Variants in RDH10 observed in about 807,000 individuals in gnomAD.
The protein encoded by RDH10 is retinol dehydrogenase 10, also known as retinol dehydrogenase 10 (all-trans).
RDH10 carries 12 observed loss-of-function variants against 30.2 expected under a neutral mutation model. That is an observed-to-expected ratio of 0.40 (90% CI 0.25 to 0.64). The LOEUF (loss-of-function observed/expected upper bound fraction) is 0.64. Ranked by LOEUF, RDH10 falls within the 30% of genes least tolerant of loss-of-function variation. The pLI is 0.43. For missense variants in RDH10, 268 were observed against 445.2 expected, an observed-to-expected ratio of 0.60 and a Z score of 3.58; for synonymous variants, 189 against 172.2, an observed-to-expected ratio of 1.10 and a Z score of -0.76.
At position 73,322,393 on chromosome 8, in the gene RDH10, A is replaced by C. The variant is rs79520422; in HGVS notation, c.771-286A>C. The stretch of plus-strand genomic sequence containing the variant: ...CTTTCTATTGAAAGCAAAACATAGG[A>C]AAATAATTTGAAATACTTTTAAGGC... On this transcript the variant is annotated intron_variant, in intron 4 of 5. Transcript: ENST00000240285. 4.5e-3 allele frequency: 1,491 copies of C among 331,392 alleles called. 8 individuals are homozygous for C. Among genetic ancestry groups the C allele is most frequent in the Non-Finnish European group, 5.9e-3 (1,054 of 178,262 alleles). The allele number at this position is 331,392 out of a possible 1,614,324, so 20.5% of individuals were successfully genotyped here.
At chr8:73,317,345 A>C (rs918402723) in intron 2 of RDH10, among the ~76,000 whole-genome samples, 10 of 152,222 alleles carry the variant, frequency 6.6e-5, no homozygotes, top group African/African-American at 2.4e-4. Flanking sequence ...TAAATATGTG[A>C]TGAATATTAC....
Position 73,295,004 on chromosome 8 carries a change from G to A in RDH10, c.-286G>A, listed in dbSNP as rs1246379947. ...CTGCAGCGGAGCCGGCCGGCCGGGC[G>A]CTGCGGGACGGGCGGGCGGCTGCCG... On this transcript the variant is annotated 5_prime_UTR_variant, in exon 1 of 6. Transcript: ENST00000240285. 2.6e-5 allele frequency: 10 copies of A among 378,298 alleles called. No individual in the cohort carries two copies. The highest frequency in any genetic ancestry group is 2.1e-4 in the African/African-American group (10 of 47,536). 23.4% of individuals were successfully genotyped at this position (378,298 alleles called of 1,614,324 possible).
chr8:73,311,880 A>C (rs891807491), intron 2 of RDH10: 2 of 152,252 alleles, frequency 1.3e-5, no homozygotes, highest in Non-Finnish European at 2.9e-5. Flanking sequence ...GCTATTATGC[A>C]ACAACATATG....
chr8:73,298,823 A>G (rs56060714), intron 2 of RDH10, among the ~76,000 whole-genome samples: 3,441 of 149,348 alleles, frequency 0.023, 129 homozygotes, highest in African/African-American at 0.084. Flanking sequence ...TGGCCTGTTT[A>G]TTTATTTTGA....
At position 73,294,766 on chromosome 8, in the gene RDH10, C is replaced by T. The variant is rs1276810081; in HGVS notation, c.-524C>T. 1.7e-5 allele frequency: 6 copies of T among 362,084 alleles called. No individual in the cohort carries two copies. The highest frequency in any genetic ancestry group is 4.7e-5 in the Admixed American group (1 of 21,502). The allele number at this position is 362,084 out of a possible 1,614,324, so 22.4% of individuals were successfully genotyped here. A position where few individuals can be genotyped will look rare whatever the true frequency, so the allele number is the denominator to read the frequency against. On this transcript the variant is annotated 5_prime_UTR_variant, in exon 1 of 6. Transcript: ENST00000240285. ...CGCCGAGCGAGTCTCCCCTTCCCGGCGCTCCGCCGCCCCGCACCCCACTCT... is the reference window on the plus strand; with the variant it reads ...CGCCGAGCGAGTCTCCCCTTCCCGGTGCTCCGCCGCCCCGCACCCCACTCT...
chr8:73,298,176 G>T (rs548077926), intron 2 of RDH10, among the ~76,000 whole-genome samples: 304 of 152,286 alleles, frequency 2.0e-3, no homozygotes, highest in Non-Finnish European at 3.3e-3. Flanking sequence ...AGGTAGGTGT[G>T]ACTCTGTCCC....
At chr8:73,295,912 G>A in intron 1 of RDH10, 1 of 1,044,410 alleles carries the variant, frequency 9.6e-7, no homozygotes, top group Non-Finnish European at 1.2e-6. Context: ...GTCTTGCTCC[G>A]ACTTACAAGC....
intron 2 of RDH10, among the ~76,000 whole-genome samples, chr8:73,298,183 T>C (rs1161411763): frequency 6.6e-6 from 1 of 152,198 alleles, no homozygotes. Context: ...TGTGACTCTG[T>C]CCCCTATAAC....
rs539873762 is a variant in RDH10 at position 73,299,172 on chromosome 8, G to C, written c.525+1743G>C. On this transcript the variant is annotated intron_variant, in intron 2 of 5. Coordinates refer to ENST00000240285, the MANE Select transcript of RDH10 (RefSeq NM_172037.5). ...CTAGAAATGAATATATAAATGACCT[G>C]AGCTTATATATGTTTTAAACAAGTA... Among the ~76,000 whole-genome samples, 5 of 152,248 alleles carry C rather than the reference G, an allele frequency of 3.3e-5. No individual in the cohort carries two copies. The East Asian group carries it at 9.6e-4, about 29-fold the overall frequency.
chr8:73,300,133 G>A lies in RDH10; in HGVS notation c.525+2704G>A, dbSNP rs1317503603. On this transcript the variant is annotated intron_variant, in intron 2 of 5. Transcript: ENST00000240285. ...TGGGAGGCTCCTGAATTCTCCAGCT[G>A]TTTTTCCCCTAAGCATCTAAACTTA... Among the ~76,000 whole-genome samples, 6 of 152,086 alleles carry A rather than the reference G, an allele frequency of 3.9e-5. No homozygotes were observed. In the East Asian group the frequency reaches 9.6e-4, roughly 24 times the overall value.
At chr8:73,308,385 A>T (rs902509092) in intron 2 of RDH10, among the ~76,000 whole-genome samples, 1 of 152,228 alleles carries the variant, frequency 6.6e-6, no homozygotes, top group Non-Finnish European at 1.5e-5. Context: ...CCAAACTTAT[A>T]GTCCAAGCAT....
At position 73,325,185 on chromosome 8, in the gene RDH10, A is replaced by T. The variant is rs1814849566; in HGVS notation, c.*2149A>T. 1 of 152,204 alleles carries T rather than the reference A, an allele frequency of 6.6e-6. No homozygotes were observed. The highest frequency in any genetic ancestry group is 2.4e-5 in the African/African-American group (1 of 41,462). 9.4% of individuals were successfully genotyped at this position (152,204 alleles called of 1,614,324 possible). ...GAAAGTCGTCTTTACATCTAATTTT[A>T]TTCTTGTGTGTTATAACTTAAACCT... On this transcript the variant is annotated 3_prime_UTR_variant, in exon 6 of 6. Coordinates refer to ENST00000240285, the MANE Select transcript of RDH10 (RefSeq NM_172037.5).
intron 1 of RDH10, 24 bp from the exon 2 acceptor site, chr8:73,297,170 C>T: frequency 7.2e-7 from 1 of 1,384,862 alleles, no homozygotes; most frequent in Admixed American, 1.7e-5. Flanking sequence ...CATGTTTTCT[C>T]CTCATCTGGA....
At chr8:73,297,955 ACT>A (rs3830705) in intron 2 of RDH10, 31,911 of 166,880 alleles carry the variant, frequency 0.19, 3,154 homozygotes, top group Middle Eastern at 0.23. Context: ...ACGCTTCGGG[ACT>A]CTCTCGGGTT....
intron 2 of RDH10, among the ~76,000 whole-genome samples, chr8:73,316,855 G>A (rs532803684): frequency 2.6e-5 from 4 of 152,180 alleles, no homozygotes; most frequent in African/African-American, 7.2e-5. Flanking sequence ...ACCCGATCTC[G>A]CAAGAACTCA....
In RDH10 at chr8:73,294,926, C is replaced by T. The variant is rs1814227010; in HGVS notation, c.-364C>T. ...GGTTCCGGGGACGCTCGGGCGGCAGCAGCTTGGCCATGAGGGCAGTTCGAG... is the reference window on the plus strand; with the variant it reads ...GGTTCCGGGGACGCTCGGGCGGCAGTAGCTTGGCCATGAGGGCAGTTCGAG... On this transcript the variant is annotated 5_prime_UTR_variant, in exon 1 of 6. Coordinates refer to ENST00000240285, the MANE Select transcript of RDH10 (RefSeq NM_172037.5). The T allele has an allele frequency of 5.1e-6, 2 of 394,610 alleles. No individual in the cohort carries two copies. Among genetic ancestry groups the T allele is most frequent in the African/African-American group, 2.1e-5 (1 of 48,368 alleles). The allele number at this position is 394,610 out of a possible 1,614,324, so 24.4% of individuals were successfully genotyped here.
chr8:73,300,105 A>G lies in RDH10; in HGVS notation c.525+2676A>G, dbSNP rs576104333. 5.9e-5 allele frequency among the ~76,000 whole-genome samples: 9 copies of G among 152,348 alleles called. No homozygotes were observed. The South Asian group carries it at 1.5e-3, about 25-fold the overall frequency. On this transcript the variant is annotated intron_variant, in intron 2 of 5. Transcript: ENST00000240285. ...GGTAATGACGTCACTTTGTATTAAA[A>G]TATGGGAGGCTCCTGAATTCTCCAG... is the stretch of plus-strand genomic sequence containing the variant.
At chr8:73,310,014 C>T (rs1345080983) in intron 2 of RDH10, among the ~76,000 whole-genome samples, 3 of 152,142 alleles carry the variant, frequency 2.0e-5, no homozygotes, top group South Asian at 2.1e-4. Context: ...ACCTGAGGGA[C>T]GTTGCCTCCT....
chr8:73,319,316 A>C, intron 3 of RDH10, 122 bp downstream of exon 3: 1 of 668,756 alleles, frequency 1.5e-6, no homozygotes. Flanking sequence ...GGCACTCTGC[A>C]TGTGTGCTGC....
Sources: gnomAD v4.1 joint callset for allele counts (sites outside exome capture counted in the v4.1 genomes callset) on GRCh38, gnomAD v4.1.1 for gene constraint, MANE v1.5 for transcripts, NCBI Gene and HGNC (gene_info 2026-07-23, HGNC 2026-07-21) for gene names.